CFAP46: variants seen among roughly 807,000 people sequenced by gnomAD.
CFAP46 encodes cilia- and flagella-associated protein 46.
Under a neutral mutation model 325.7 loss-of-function variants are expected in CFAP46, and 245 were observed. The ratio of observed to expected loss-of-function variants is 0.75; its 90% confidence interval spans 0.68 to 0.84. The LOEUF (loss-of-function observed/expected upper bound fraction) is 0.84, where lower values mean the gene tolerates loss of function less well. CFAP46 is among the 40% of genes least tolerant of loss of function. The pLI is 0.00. For synonymous variants in CFAP46, 1,523 were observed against 1,495.9 expected, an observed-to-expected ratio of 1.02 and a Z score of -0.42; for missense variants, 3,346 against 3,543.0, an observed-to-expected ratio of 0.94 and a Z score of 1.41.
intron 28 of CFAP46, among the ~76,000 whole-genome samples, chr10:132,879,917 A>G (rs1849013527): frequency 6.6e-6 from 1 of 151,904 alleles, no homozygotes; most frequent in South Asian, 2.1e-4. Context: ...TGTGTCCTGG[A>G]AGCCTCATGA....
chr10:132,880,784 G>T (rs571580734), intron 28 of CFAP46, 77 bp downstream of exon 28: 1 of 1,475,682 alleles, frequency 6.8e-7, no homozygotes, highest in South Asian at 1.3e-5. Flanking sequence ...ACCCAACGGC[G>T]GTCCAGATCA....
Position 132,877,239 on chromosome 10 carries a change from C to T in CFAP46, c.4213-278G>A, listed in dbSNP as rs1411158360. On this transcript the variant is annotated intron_variant, in intron 30 of 57. Transcript: ENST00000368586. The surrounding 1 kb of genome is among the most constrained non-coding windows in gnomAD (Gnocchi z 5.7). ...AAGGCTCTGCAGCCTCTGCCTCCTG[C>T]GTCTCCCCTCAGTGACAGCTGGCTG... is the stretch of plus-strand genomic sequence containing the variant. Among the ~76,000 whole-genome samples the T allele has an allele frequency of 5.3e-5, 8 of 152,172 alleles. No homozygotes were observed. Among genetic ancestry groups the T allele is most frequent in the Admixed American group, 4.6e-4 (7 of 15,292 alleles).
chr10:132,912,756 G>C lies in CFAP46; in HGVS notation c.2398C>G (p.Pro800Ala). ...LARGLIISWIPVQAAEKSRKF... is the reference protein window; with the variant it reads ...LARGLIISWIAVQAAEKSRKF... The stretch of plus-strand genomic sequence containing the variant: ...CTGGACTTCTCGGCAGCCTGGACTG[G>C]AATCCAGCTGATGATCAGGCCTCGC... Residue 800 changes from proline (P) to alanine (A), a missense_variant, in exon 19 of 58, where the codon CCA becomes GCA. Transcript: ENST00000368586. The C allele has an allele frequency of 1.3e-6, 2 of 1,550,298 alleles. No homozygotes were observed. Among genetic ancestry groups the C allele is most frequent in the Non-Finnish European group, 1.7e-6 (2 of 1,147,000 alleles).
rs200220217 is a variant in CFAP46 at position 132,912,800 on chromosome 10, G to A, written c.2354C>T (p.Thr785Met). 7.7e-6 allele frequency: 12 copies of A among 1,549,114 alleles called. No homozygotes were observed. The highest frequency in any genetic ancestry group is 2.4e-5 in the East Asian group (1 of 40,918). Reference protein sequence around the residue: ...GHSGDPVMLVTLCNTLARGLI... With the variant: ...GHSGDPVMLVMLCNTLARGLI... ...GCCTCGCGCCAAGGTGTTGCAGAGC[G>A]TCACCAGCATCACGGGGTCCCTGGG... The change falls in exon 19 of 58, where the codon ACG becomes ATG. Residue 785 changes from threonine (T) to methionine (M), a missense_variant. Transcript: ENST00000368586.
intron 9 of CFAP46, among the ~76,000 whole-genome samples, chr10:132,928,181 G>A (rs941424218): frequency 9.2e-5 from 14 of 152,224 alleles, no homozygotes; most frequent in Non-Finnish European, 2.1e-4. Flanking sequence ...TTGGAGATGG[G>A]TCCTGTTACT....
chr10:132,932,500 T>C (rs1001190465), intron 8 of CFAP46, among the ~76,000 whole-genome samples: 2 of 124,958 alleles, frequency 1.6e-5, no homozygotes, highest in Non-Finnish European at 3.4e-5. Flanking sequence ...ACACAGAGGC[T>C]GAACCTTCCC....
intron 17 of CFAP46, among the ~76,000 whole-genome samples, chr10:132,913,804 A>C (rs151333604): frequency 0.025 from 3,160 of 124,298 alleles, 117 homozygotes; most frequent in African/African-American, 0.11. Context: ...TGGGGGCTGC[A>C]TGGGGCAGAG....
rs144339867 is a variant in CFAP46 at position 132,929,720 on chromosome 10, C to T, written c.951G>A (p.Lys317=). The T allele has an allele frequency of 1.2e-6, 2 of 1,614,034 alleles. No individual in the cohort carries two copies. The highest frequency in any genetic ancestry group is 1.7e-6 in the Non-Finnish European group (2 of 1,179,968). Residue 317 remains lysine, a synonymous_variant, in exon 9 of 58, where the codon AAG becomes AAA. Transcript: ENST00000368586. ...AGCCACTTACTTTGCTTTCCATCTT[C>T]TTCAGGTCTGAGAGGCAGGCAGAGG... ...EISSACLSDL[K]KMESKDPGKL... is the part of the protein sequence containing the mutation.
rs762687098 is a variant in CFAP46 at position 132,846,980 on chromosome 10, G to A, written c.6219C>T (p.Val2073=). The change falls in exon 43 of 58, where the codon GTC becomes GTT. Residue 2073 remains valine, a synonymous_variant. Transcript: ENST00000368586. ...AGGTAGTTGCAGGGTCCAGGGTGCC[G>A]ACACACTCCACCATCTCCAGGCTGG... The part of the protein sequence containing the change: ...AAASLEMVEC[V]GTLDPATTCQ... The A allele has an allele frequency of 3.0e-5, 48 of 1,610,760 alleles. No homozygotes were observed. Among genetic ancestry groups the A allele is most frequent in the East Asian group, 4.5e-5 (2 of 44,842 alleles).
At position 132,881,615 on chromosome 10, in the gene CFAP46, C is replaced by T. The variant is rs371967359; in HGVS notation, c.3628-583G>A. On this transcript the variant is annotated intron_variant, in intron 27 of 57. Coordinates refer to ENST00000368586, the MANE Select transcript of CFAP46 (RefSeq NM_001200049.3). ...CCTGAGAGCCAGGGTTAGCCTGCAC[C>T]GCACCCTCCGCAGCCCTGCGAGCCG... 1.1e-4 allele frequency among the ~76,000 whole-genome samples: 13 copies of T among 116,940 alleles called. No individual in the cohort carries two copies. The East Asian group carries it at 1.8e-3, about 16-fold the overall frequency. 76.7% of individuals were successfully genotyped at this position (116,940 alleles called of 152,430 possible). A position where few individuals can be genotyped will look rare whatever the true frequency, so the allele number is the denominator to read the frequency against.
intron 27 of CFAP46, 69 bp downstream of exon 27, chr10:132,885,034 G>C: frequency 1.4e-6 from 2 of 1,465,776 alleles, no homozygotes; most frequent in South Asian, 2.8e-5. Flanking sequence ...CTGAGCTTCT[G>C]TCCACACGGT....
chr10:132,897,269 A>C (rs955405086), intron 24 of CFAP46, among the ~76,000 whole-genome samples: 3 of 152,242 alleles, frequency 2.0e-5, no homozygotes, highest in African/African-American at 7.2e-5. Flanking sequence ...ACCTCTTAAA[A>C]ATTAGGAACA....
At position 132,935,238 on chromosome 10, in the gene CFAP46, G is replaced by C. The variant is rs547814003; in HGVS notation, c.756-376C>G. Among the ~76,000 whole-genome samples the C allele has an allele frequency of 9.9e-5, 15 of 152,142 alleles. 1 individual carries two copies. Among genetic ancestry groups the C allele is most frequent in the South Asian group, 4.1e-4 (2 of 4,824 alleles). On this transcript the variant is annotated intron_variant, in intron 7 of 57. Transcript: ENST00000368586. ...CTGCCCATAGGACACAAATACCTCA[G>C]ATCTCCTCACTCCCCTTGGTATCCA...
At chr10:132,843,706 C>T (rs1848384700) in intron 44 of CFAP46, among the ~76,000 whole-genome samples, 1 of 125,522 alleles carries the variant, frequency 8.0e-6, no homozygotes, top group African/African-American at 3.1e-5. Context: ...GTGGGTGTTC[C>T]CAGGGTGCTG....
chr10:132,821,221 G>GA (rs1847810348), intron 50 of CFAP46, among the ~76,000 whole-genome samples: 2 of 134,550 alleles, frequency 1.5e-5, no homozygotes, highest in South Asian at 2.5e-4. Context: ...GCTGTGTGCT[G>GA]TGTGTGTGCT....
At chr10:132,933,418 G>A (rs1200830353) in intron 8 of CFAP46, among the ~76,000 whole-genome samples, 3 of 152,238 alleles carry the variant, frequency 2.0e-5, no homozygotes, top group Non-Finnish European at 2.9e-5. Context: ...TCGTCGGAGC[G>A]CCTGGCCACA....
chr10:132,827,060 G>A lies in CFAP46; in HGVS notation c.7117+6298C>T, dbSNP rs886360075. On this transcript the variant is annotated intron_variant, in intron 50 of 57. Coordinates refer to ENST00000368586, the MANE Select transcript of CFAP46 (RefSeq NM_001200049.3). This position sits in a 1 kb window ranked among gnomAD's most constrained non-coding sequence, Gnocchi z 5.7. Reference sequence around the variant, plus strand: ...GGTTTCCGACACCTCCATGAGCCTCGTGTCTGTGCCAACCGACTCCAGCTC... The same window carrying A: ...GGTTTCCGACACCTCCATGAGCCTCATGTCTGTGCCAACCGACTCCAGCTC... Among the ~76,000 whole-genome samples, 9 of 152,082 alleles carry A rather than the reference G, an allele frequency of 5.9e-5. No homozygotes were observed. Among genetic ancestry groups the A allele is most frequent in the South Asian group, 2.1e-4 (1 of 4,818 alleles).
intron 9 of CFAP46, among the ~76,000 whole-genome samples, chr10:132,928,669 C>T (rs1393330463): frequency 6.6e-6 from 1 of 152,218 alleles, no homozygotes; most frequent in African/African-American, 2.4e-5. Context: ...ATGAAGACAG[C>T]ACACAGGGAG....
At chr10:132,814,813 G>GC (rs1384574942) in intron 51 of CFAP46, 31 bp downstream of exon 51, 1 of 1,613,900 alleles carries the variant, frequency 6.2e-7, no homozygotes, top group African/African-American at 1.3e-5. Flanking sequence ...GTGCCCACCA[G>GC]CCCGATCCCC....
Sources: gnomAD v4.1 joint callset for allele counts (sites outside exome capture counted in the v4.1 genomes callset) on GRCh38, gnomAD v4.1.1 for gene constraint, Gnocchi (gnomAD v3.1) non-coding constraint, MANE v1.5 for transcripts, NCBI Gene and HGNC (gene_info 2026-07-23, HGNC 2026-07-21) for gene names.